Variants in RAPGEF5 observed in about 807,000 individuals in gnomAD.
RAPGEF5 encodes M-Ras-regulated GEF.
A neutral mutation model predicts 125.2 loss-of-function variants in RAPGEF5; 65 were observed. That is an observed-to-expected ratio of 0.52 (90% confidence interval 0.43 to 0.64). The LOEUF is 0.64. RAPGEF5 is among the 30% of genes least tolerant of loss of function. RAPGEF5 has a pLI of 0.00. For missense variants in RAPGEF5, 958 were observed against 1,048.1 expected, an observed-to-expected ratio of 0.91 and a Z score of 1.19; for synonymous variants, 391 against 385.9, an observed-to-expected ratio of 1.01 and a Z score of -0.16.
At chr7:22,304,986 C>T (rs1348858154) in intron 5 of RAPGEF5, among the ~76,000 whole-genome samples, 4 of 152,174 alleles carry the variant, frequency 2.6e-5, no homozygotes, top group Non-Finnish European at 5.9e-5. Context: ...CTTAGTCTAA[C>T]ACTTTTATAG....
intron 23 of RAPGEF5, among the ~76,000 whole-genome samples, chr7:22,132,405 T>C (rs1035151067): frequency 2.0e-5 from 3 of 151,964 alleles, no homozygotes; most frequent in Admixed American, 1.3e-4. Flanking sequence ...TGTAAACTGA[T>C]GTCCTAGTAG....
chr7:22,315,487 AAGACAGTCACTGTAAATAT>A lies in RAPGEF5; in HGVS notation c.283-30_283-12del. On this transcript the variant is annotated splice_polypyrimidine_tract_variant and intron_variant, in intron 2 of 25. Transcript: ENST00000665637. ...ATTCTCTCCATAAATCTAAATGGAA[AAGACAGTCACTGTAAATAT>A]AGAACAATAATGTGACAATTTGTGA... The A allele has an allele frequency of 6.8e-7, 1 of 1,462,614 alleles. No homozygotes were observed. The highest frequency in any genetic ancestry group is 9.0e-7 in the Non-Finnish European group (1 of 1,108,786). 90.6% of individuals were successfully genotyped at this position (1,462,614 alleles called of 1,614,324 possible).
intron 1 of RAPGEF5, among the ~76,000 whole-genome samples, chr7:22,318,861 CTG>C (rs1359448145): frequency 2.6e-5 from 4 of 152,188 alleles, no homozygotes; most frequent in Non-Finnish European, 5.9e-5. Context: ...GCATTGTTGA[CTG>C]TTTTTCTGTG....
chr7:22,188,758 C>T (rs1305603144), intron 11 of RAPGEF5, among the ~76,000 whole-genome samples: 2 of 145,908 alleles, frequency 1.4e-5, no homozygotes, highest in African/African-American at 2.6e-5. Flanking sequence ...GAGTGAGACT[C>T]CGTCTCAAAA....
chr7:22,132,981 C>A (rs2128100453), intron 23 of RAPGEF5, among the ~76,000 whole-genome samples: 1 of 152,328 alleles, frequency 6.6e-6, no homozygotes, highest in East Asian at 1.9e-4. Context: ...CTCCAGGCAC[C>A]TCAAGTGGAA....
chr7:22,167,503 C>G (rs1744568388), intron 11 of RAPGEF5, among the ~76,000 whole-genome samples: 1 of 152,156 alleles, frequency 6.6e-6, no homozygotes, highest in African/African-American at 2.4e-5. Flanking sequence ...TACAAGACTT[C>G]TGAGGTGTAC....
chr7:22,170,573 T>G (rs1259809109), intron 11 of RAPGEF5, among the ~76,000 whole-genome samples: 1 of 152,226 alleles, frequency 6.6e-6, no homozygotes, highest in Non-Finnish European at 1.5e-5. Flanking sequence ...CATTAGTAGC[T>G]GAGATTAAAA....
chr7:22,325,247 C>A (rs1783791902), intron 1 of RAPGEF5, among the ~76,000 whole-genome samples: 1 of 152,192 alleles, frequency 6.6e-6, no homozygotes, highest in Non-Finnish European at 1.5e-5. Context: ...TCTTTTCAAC[C>A]AACCTAACCC....
At chr7:22,190,580 C>T (rs1048819480) in intron 11 of RAPGEF5, among the ~76,000 whole-genome samples, 29 of 152,050 alleles carry the variant, frequency 1.9e-4, no homozygotes, top group African/African-American at 6.8e-4. Flanking sequence ...TCTTAATAGC[C>T]CTGGCATTCT....
chr7:22,331,744 CAAAAAAAAAA>C, intron 1 of RAPGEF5, among the ~76,000 whole-genome samples: 1 of 94,894 alleles, frequency 1.1e-5, no homozygotes, highest in Non-Finnish European at 2.1e-5. Flanking sequence ...GACTCCATCT[CAAAAAAAAAA>C]AAAAAAAGAA....
chr7:22,310,206 C>G lies in RAPGEF5; in HGVS notation c.390-116G>C, dbSNP rs1023504625. On this transcript the variant is annotated intron_variant, in intron 3 of 25. Transcript: ENST00000665637. Reference sequence around the variant, plus strand: ...GTGCTTGCTTTTTTTAGACAAGCAACCCAAGAATAAATGGCATATACCTCT... The same window carrying G: ...GTGCTTGCTTTTTTTAGACAAGCAAGCCAAGAATAAATGGCATATACCTCT... The G allele has an allele frequency of 1.2e-5, 14 of 1,150,354 alleles. No homozygotes were observed. The African/African-American group carries it at 2.1e-4, about 17-fold the overall frequency. The allele number at this position is 1,150,354 out of a possible 1,614,324, so 71.3% of individuals were successfully genotyped here.
At chr7:22,300,052 TAA>T (rs1783161287) in intron 5 of RAPGEF5, among the ~76,000 whole-genome samples, 4 of 147,426 alleles carry the variant, frequency 2.7e-5, no homozygotes, top group African/African-American at 1.0e-4. Context: ...CGTCATTATT[TAA>T]AAGTTTTTTT....
intron 2 of RAPGEF5, among the ~76,000 whole-genome samples, chr7:22,316,244 T>C (rs1783586362): frequency 6.6e-6 from 1 of 151,928 alleles, no homozygotes; most frequent in South Asian, 2.1e-4. Flanking sequence ...GGGGGCTAAA[T>C]GAAAATAAGC....
intron 8 of RAPGEF5, among the ~76,000 whole-genome samples, chr7:22,220,957 A>T (rs1785773194): frequency 6.6e-6 from 1 of 152,178 alleles, no homozygotes; most frequent in Admixed American, 6.5e-5. Context: ...AAACTTCATG[A>T]TCTTAACGGT....
At chr7:22,211,963 C>CTTTTTTTTTTTT (rs749576250) in intron 9 of RAPGEF5, among the ~76,000 whole-genome samples, 1 of 114,346 alleles carries the variant, frequency 8.7e-6, no homozygotes, top group Non-Finnish European at 1.7e-5. Flanking sequence ...CATGTGTTCT[C>CTTTTTTTTTTTT]TTTTTTTTTT....
intron 3 of RAPGEF5, among the ~76,000 whole-genome samples, chr7:22,313,003 C>T (rs1400473938): frequency 6.6e-6 from 1 of 152,170 alleles, no homozygotes; most frequent in Non-Finnish European, 1.5e-5. Flanking sequence ...TTCCTACCCA[C>T]AGTGTATTTT....
chr7:22,197,601 T>C (rs1156532394), intron 9 of RAPGEF5, among the ~76,000 whole-genome samples: 3 of 152,198 alleles, frequency 2.0e-5, no homozygotes, highest in African/African-American at 4.8e-5. Flanking sequence ...CAGTTTGATC[T>C]TGTTGGCCCT....
chr7:22,249,074 C>A (rs1395250492), intron 7 of RAPGEF5, among the ~76,000 whole-genome samples: 1 of 152,180 alleles, frequency 6.6e-6, no homozygotes, highest in Non-Finnish European at 1.5e-5. Context: ...TGAAAGTTAG[C>A]TACTTCTTGG....
chr7:22,239,278 T>A (rs572548920), intron 7 of RAPGEF5, among the ~76,000 whole-genome samples: 1 of 152,164 alleles, frequency 6.6e-6, no homozygotes, highest in South Asian at 2.1e-4. Context: ...TCCCCCCAAA[T>A]CCTCCCTAGG....
Sources: allele counts gnomAD v4.1 joint callset (sites outside exome capture counted in the v4.1 genomes callset), GRCh38; gene constraint gnomAD v4.1.1; transcripts MANE v1.5; gene names NCBI Gene and HGNC (gene_info 2026-07-23, HGNC 2026-07-21).